Variants in PACRG observed in about 807,000 individuals in gnomAD.
The protein encoded by PACRG is parkin coregulated, also known as parkin coregulated gene protein.
PACRG carries 29 observed loss-of-function variants against 29.7 expected under a neutral mutation model. The observed-to-expected ratio is 0.98, with a 90% CI of 0.73 to 1.33. PACRG has a LOEUF of 1.33. Ranked by LOEUF, PACRG falls within the 40% of genes most tolerant of loss-of-function variation. PACRG has a pLI of 0.00. For synonymous variants in PACRG, 116 were observed against 118.7 expected (o/e 0.98, Z 0.15); for missense variants, 279 against 316.2 (o/e 0.88, Z 0.89).
chr6:162,867,858 C>G (rs1280682934), intron 2 of PACRG, among the ~76,000 whole-genome samples: 1 of 151,894 alleles, frequency 6.6e-6, no homozygotes, highest in Non-Finnish European at 1.5e-5. Context: ...AGGGAAAGAA[C>G]CAGGCCTGGA....
chr6:162,989,333 T>C (rs1803202082), intron 2 of PACRG, among the ~76,000 whole-genome samples: 1 of 152,176 alleles, frequency 6.6e-6, no homozygotes, highest in South Asian at 2.1e-4. Context: ...TGAGGATACC[T>C]GACAGATGTA....
intron 4 of PACRG, among the ~76,000 whole-genome samples, chr6:163,299,980 G>A (rs1432812938): frequency 1.3e-5 from 2 of 152,206 alleles, no homozygotes; most frequent in Non-Finnish European, 2.9e-5. Context: ...AGCACGTAGG[G>A]GGCACAGAGC....
chr6:162,875,324 C>T lies in PACRG; in HGVS notation c.291+61043C>T, dbSNP rs564361196. Among the ~76,000 whole-genome samples the T allele has an allele frequency of 2.0e-5, 3 of 151,902 alleles. No homozygotes were observed. In the East Asian group the frequency reaches 5.8e-4, roughly 29 times the overall value. On this transcript the variant is annotated intron_variant, in intron 2 of 4. Transcript: ENST00000366888. ...ACACACAGACATGCACAGACATTCA[C>T]ACACAGACATGCACACACAGTCATG...
intron 2 of PACRG, among the ~76,000 whole-genome samples, chr6:162,830,912 A>G (rs1302706457): frequency 6.6e-6 from 1 of 152,160 alleles, no homozygotes; most frequent in Non-Finnish European, 1.5e-5. Context: ...TTATTTAGTC[A>G]TGAATTTACT....
chr6:163,201,284 G>C (rs1159301912), intron 4 of PACRG, among the ~76,000 whole-genome samples: 1 of 152,186 alleles, frequency 6.6e-6, no homozygotes, highest in African/African-American at 2.4e-5. Flanking sequence ...ATTCTTAATA[G>C]TAGTTATAAA....
chr6:163,139,546 A>G (rs1415302619), intron 4 of PACRG, among the ~76,000 whole-genome samples: 9 of 152,118 alleles, frequency 5.9e-5, no homozygotes. Context: ...CTCAGAGGAG[A>G]CAGTTGACAT....
chr6:162,982,224 T>C (rs897486487), intron 2 of PACRG, among the ~76,000 whole-genome samples: 9 of 152,182 alleles, frequency 5.9e-5, no homozygotes, highest in African/African-American at 2.2e-4. Context: ...TCTATCAGTT[T>C]TGTTCATCTT....
At chr6:163,017,946 T>G (rs889154051) in intron 2 of PACRG, among the ~76,000 whole-genome samples, 1 of 152,178 alleles carries the variant, frequency 6.6e-6, no homozygotes, top group Non-Finnish European at 1.5e-5. Context: ...TTCAGGCACC[T>G]TCCCATGATT....
At chr6:163,273,284 A>C (rs1783908909) in intron 4 of PACRG, among the ~76,000 whole-genome samples, 1 of 152,136 alleles carries the variant, frequency 6.6e-6, no homozygotes, top group African/African-American at 2.4e-5. Flanking sequence ...TTTGTTCTCT[A>C]AAATGTTTGT....
chr6:162,844,559 C>T (rs940324961), intron 2 of PACRG, among the ~76,000 whole-genome samples: 6 of 152,238 alleles, frequency 3.9e-5, no homozygotes, highest in South Asian at 2.1e-4. Context: ...CCGTCTTCTG[C>T]GTCGCTCACG....
chr6:162,856,969 C>T (rs1791450991), intron 2 of PACRG, among the ~76,000 whole-genome samples: 1 of 152,102 alleles, frequency 6.6e-6, no homozygotes, highest in African/African-American at 2.4e-5. Context: ...GTAGAGTTGC[C>T]AGTAGGTGGC....
At chr6:162,826,108 C>G (rs1490056781) in intron 2 of PACRG, among the ~76,000 whole-genome samples, 1 of 152,052 alleles carries the variant, frequency 6.6e-6, no homozygotes, top group Admixed American at 6.5e-5. Context: ...CAGACCAATT[C>G]TAATACTTCC....
At chr6:162,885,762 A>G (rs12660446) in intron 2 of PACRG, among the ~76,000 whole-genome samples, 6,838 of 151,804 alleles carry the variant, frequency 0.045, 516 homozygotes, top group African/African-American at 0.16. Flanking sequence ...GTGTGCGTGC[A>G]CACGTGCATG....
intron 2 of PACRG, among the ~76,000 whole-genome samples, chr6:162,871,367 G>A (rs1040961043): frequency 6.6e-6 from 1 of 152,206 alleles, no homozygotes; most frequent in Non-Finnish European, 1.5e-5. Context: ...TTACAGAAAT[G>A]TAAAGGGTTG....
chr6:162,906,356 A>G (rs1365158206), intron 2 of PACRG, among the ~76,000 whole-genome samples: 3 of 152,158 alleles, frequency 2.0e-5, no homozygotes, highest in Non-Finnish European at 4.4e-5. Context: ...TGTGATGAGC[A>G]TTTTTAGAGT....
chr6:163,113,220 C>G (rs1199457904), intron 4 of PACRG, among the ~76,000 whole-genome samples: 1 of 152,136 alleles, frequency 6.6e-6, no homozygotes, highest in Non-Finnish European at 1.5e-5. Flanking sequence ...AAAAGCATTT[C>G]TCTTTTGAAA....
chr6:163,012,954 A>G (rs1030096752), intron 2 of PACRG, among the ~76,000 whole-genome samples: 3 of 152,220 alleles, frequency 2.0e-5, no homozygotes, highest in African/African-American at 7.2e-5. Context: ...TACATGGTTA[A>G]TAAGCACTTG....
chr6:162,957,752 G>A (rs564211052), intron 2 of PACRG, among the ~76,000 whole-genome samples: 5 of 151,968 alleles, frequency 3.3e-5, no homozygotes, highest in East Asian at 3.9e-4. Context: ...CCCAGAACTC[G>A]AATTTAATCT....
intron 4 of PACRG, among the ~76,000 whole-genome samples, chr6:163,185,082 C>T (rs528800033): frequency 8.5e-5 from 13 of 152,214 alleles, no homozygotes; most frequent in African/African-American, 2.2e-4. Context: ...TAATTTAGCA[C>T]ACCACCATAT....
Sources: gnomAD v4.1 joint callset for allele counts (sites outside exome capture counted in the v4.1 genomes callset) on GRCh38, gnomAD v4.1.1 for gene constraint, MANE v1.5 for transcripts, NCBI Gene and HGNC (gene_info 2026-07-23, HGNC 2026-07-21) for gene names.